LRRC36: variants seen among roughly 807,000 people sequenced by gnomAD.
LRRC36 encodes the protein leucine-rich repeat-containing protein 36.
LRRC36 carries 62 observed loss-of-function variants against 81.1 expected under a neutral mutation model. The observed-to-expected ratio is 0.76, with a 90% CI of 0.62 to 0.94. The LOEUF is 0.94. Ranked by LOEUF, LRRC36 falls within the 40% of genes least tolerant of loss-of-function variation. The pLI is 0.00. For synonymous variants in LRRC36, 334 were observed against 348.6 expected (o/e 0.96, Z 0.47); for missense variants, 761 against 881.7 (o/e 0.86, Z 1.73).
intron 5 of LRRC36, among the ~76,000 whole-genome samples, chr16:67,352,679 T>C (rs987887266): frequency 1.3e-5 from 2 of 150,426 alleles, no homozygotes; most frequent in Non-Finnish European, 3.0e-5. Context: ...ATTTATTTAT[T>C]TATTTATTTA....
intron 5 of LRRC36, among the ~76,000 whole-genome samples, chr16:67,359,091 A>G (rs1219610898): frequency 6.6e-6 from 1 of 152,236 alleles, no homozygotes; most frequent in Non-Finnish European, 1.5e-5. Context: ...AAATTGTGCA[A>G]CTGTTTTGGA....
intron 1 of LRRC36, among the ~76,000 whole-genome samples, chr16:67,330,198 C>T (rs772298483): frequency 2.0e-5 from 3 of 151,028 alleles, no homozygotes; most frequent in African/African-American, 2.4e-5. Context: ...TTTCACAAGA[C>T]GATTTCATAG....
intron 5 of LRRC36, among the ~76,000 whole-genome samples, chr16:67,363,238 G>T (rs2039240437): frequency 6.6e-6 from 1 of 152,180 alleles, no homozygotes; most frequent in South Asian, 2.1e-4. Flanking sequence ...TATGGAATTG[G>T]TATCACAGTT....
At chr16:67,327,044 A>T in intron 1 of LRRC36, 112 bp downstream of exon 1, 1 of 771,504 alleles carries the variant, frequency 1.3e-6, no homozygotes, top group East Asian at 6.1e-5. Context: ...ACCACAGAGA[A>T]GCGGTACCTG....
chr16:67,346,232 C>T (rs1407975898), intron 2 of LRRC36, 24 bp from the exon 3 acceptor site: 4 of 1,432,288 alleles, frequency 2.8e-6, no homozygotes, highest in Non-Finnish European at 3.8e-6. Context: ...TATGCCATTT[C>T]ATAATGTGGT....
rs749760471 is a variant in LRRC36, at chr16:67,375,273, G to A, written c.1521G>A (p.Leu507=). 1 of 1,611,186 alleles carries A rather than the reference G, an allele frequency of 6.2e-7. No homozygotes were observed. Among genetic ancestry groups the A allele is most frequent in the East Asian group, 2.2e-5 (1 of 44,834 alleles). The change falls in exon 10 of 14, where the codon TTG becomes TTA. Residue 507 remains leucine (L), a synonymous_variant. Transcript: ENST00000329956. ...SEPLSSDLGS[L]HGLAGNHSPP... is the part of the protein sequence containing the mutation. ...CTCTCTCTAGTGACCTGGGTAGTTT[G>A]CACGGTTTGGCTGGAAACCACAGTC...
rs2040137358 is a variant in LRRC36 at position 67,382,200 on chromosome 16, G to A, written c.1998G>A (p.Gln666=). 5 of 1,614,186 alleles carry A rather than the reference G, an allele frequency of 3.1e-6. No homozygotes were observed. Among genetic ancestry groups the A allele is most frequent in the Non-Finnish European group, 4.2e-6 (5 of 1,180,020 alleles). The stretch of plus-strand genomic sequence containing the variant: ...CTTGCCTGAACCAGGAGCTTGCCCA[G>A]CTGAAAAAGCTGGAGAAGACAGTTG... ...QVACLNQELA[Q]LKKLEKTVAI... The change falls in exon 13 of 14, where the codon CAG becomes CAA. Residue 666 remains glutamine (Q), a synonymous_variant. Coordinates refer to ENST00000329956, the MANE Select transcript of LRRC36 (RefSeq NM_018296.6).
chr16:67,363,093 T>C (rs2039233844), intron 5 of LRRC36, among the ~76,000 whole-genome samples: 2 of 152,138 alleles, frequency 1.3e-5, no homozygotes, highest in African/African-American at 4.8e-5. Context: ...TAGTTTTCTC[T>C]TTTTACAAAA....
intron 6 of LRRC36, 41 bp from the exon 7 acceptor site, chr16:67,365,263 G>C (rs779555781): frequency 5.1e-6 from 7 of 1,383,976 alleles, no homozygotes; most frequent in Non-Finnish European, 7.2e-6. Flanking sequence ...ATTTGAACGC[G>C]CATGGACTTC....
In LRRC36 at chr16:67,375,253, T is replaced by C; in HGVS notation, c.1501T>C (p.Ser501Pro). Reference sequence around the variant, plus strand: ...CTTTTTTTTTTCTCTTGAGCCTCTCTCTAGTGACCTGGGTAGTTTGCACGG... The same window carrying C: ...CTTTTTTTTTTCTCTTGAGCCTCTCCCTAGTGACCTGGGTAGTTTGCACGG... ...FQDATGSEPL[S>P]SDLGSLHGLA... Residue 501 changes from serine (S) to proline (P), a missense_variant, in exon 10 of 14, where the codon TCT becomes CCT. Ser to Pro is a moderately conservative substitution (Grantham distance 74). This residue lies in a region of LRRC36 where 359 missense variants were observed against 388.4 expected (regional missense o/e 0.92). Transcript: ENST00000329956. 6.2e-7 allele frequency: 1 copy of C among 1,612,138 alleles called. No individual in the cohort carries two copies. The highest frequency in any genetic ancestry group is 1.1e-5 in the South Asian group (1 of 91,048).
rs1279407778 is a variant in LRRC36, at chr16:67,347,561, G to C, written c.458G>C (p.Ser153Thr). The C allele has an allele frequency of 1.1e-5, 18 of 1,612,622 alleles. No homozygotes were observed. Among genetic ancestry groups the C allele is most frequent in the Non-Finnish European group, 1.4e-5 (17 of 1,178,864 alleles). ...CTGCATTTTAGTCAGTTGGGCAACA[G>C]TGAAAATTTTCTTTTAGAGGTGGAA... ...AKLHFSQLGN[S>T]ENFLLEVEKS... The change falls in exon 4 of 14, where the codon AGT becomes ACT. Residue 153 changes from serine (S) to threonine (T), a missense_variant. By Grantham distance (58) the Ser-to-Thr change is moderately conservative. Around this residue, in one of 3 missense-constraint regions of LRRC36, gnomAD observed 263 missense variants for 279.3 expected, o/e 0.94. Transcript: ENST00000329956.
At chr16:67,347,331 C>G (rs1212140654) in intron 3 of LRRC36, 164 bp from the exon 4 acceptor site, 1 of 1,371,512 alleles carries the variant, frequency 7.3e-7, no homozygotes, top group Admixed American at 2.8e-5. Flanking sequence ...GAGTTCCTGC[C>G]TGCTCCAGTG....
rs780434435 is a variant in LRRC36 at position 67,367,132 on chromosome 16, G to T, written c.870G>T (p.Lys290Asn). 1 of 1,614,126 alleles carries T rather than the reference G, an allele frequency of 6.2e-7. No homozygotes were observed. The highest frequency in any genetic ancestry group is 8.5e-7 in the Non-Finnish European group (1 of 1,180,016). The change falls in exon 8 of 14, where the codon AAG becomes AAT. Residue 290 changes from lysine to asparagine, a missense_variant. Around this residue, in one of 3 missense-constraint regions of LRRC36, gnomAD observed 139 missense variants for 214.0 expected, o/e 0.65. Coordinates refer to ENST00000329956, the MANE Select transcript of LRRC36 (RefSeq NM_018296.6). ...DNKSSGSSPEKELIPKPDTFH... is the reference protein window; with the variant it reads ...DNKSSGSSPENELIPKPDTFH... The stretch of plus-strand genomic sequence containing the variant: ...AGTCTTCAGGTTCTTCTCCAGAAAA[G>T]GAATTGATACCAAAACCTGATACTT...
In LRRC36 at chr16:67,350,185, A is replaced by G; in HGVS notation, c.489-17A>G. On this transcript the variant is annotated splice_polypyrimidine_tract_variant and intron_variant, in intron 4 of 13. Transcript: ENST00000329956. Reference sequence around the variant, plus strand: ...TTTTTTTTTTTTGAGTTGTAAATAAATTATTCTATGTGGCAGCTCTAGGGA... The same window carrying G: ...TTTTTTTTTTTTGAGTTGTAAATAAGTTATTCTATGTGGCAGCTCTAGGGA... 1 of 1,551,600 alleles carries G rather than the reference A, an allele frequency of 6.4e-7. No individual in the cohort carries two copies. The highest frequency in any genetic ancestry group is 8.7e-7 in the Non-Finnish European group (1 of 1,146,060).
chr16:67,337,370 C>CTTTTTTTTTTTTTTTTTTTT (rs200896654), intron 1 of LRRC36, among the ~76,000 whole-genome samples: 1 of 139,452 alleles, frequency 7.2e-6, no homozygotes, highest in Non-Finnish European at 1.6e-5. Flanking sequence ...TCTTTTCTTT[C>CTTTTTTTTTTTTTTTTTTTT]TTTTTTTTTT....
intron 8 of LRRC36, among the ~76,000 whole-genome samples, 173 bp downstream of exon 8, chr16:67,367,630 A>G (rs1419718455): frequency 1.3e-5 from 2 of 152,224 alleles, no homozygotes. Context: ...TGAGTTTAAC[A>G]TGATATATAT....
chr16:67,366,265 C>T (rs2039380945), intron 7 of LRRC36, among the ~76,000 whole-genome samples: 1 of 152,066 alleles, frequency 6.6e-6, no homozygotes. Context: ...TCAAGCAATC[C>T]TCCCACCTCA....
chr16:67,355,577 T>C (rs2038864985), intron 5 of LRRC36, among the ~76,000 whole-genome samples: 5 of 151,024 alleles, frequency 3.3e-5, no homozygotes, highest in African/African-American at 4.9e-5. Flanking sequence ...GGTTTCACTG[T>C]TTTAGCCGGG....
In LRRC36 at chr16:67,346,724, A is replaced by T. The variant is rs372337996; in HGVS notation, c.391+276A>T. On this transcript the variant is annotated intron_variant, in intron 3 of 13. Transcript: ENST00000329956. Reference sequence around the variant, plus strand: ...TCCTCAACACAAAATTTCCAGGTTGAGAATTATTTTTCCAGGTGCCCCAAC... The same window carrying T: ...TCCTCAACACAAAATTTCCAGGTTGTGAATTATTTTTCCAGGTGCCCCAAC... Among the ~76,000 whole-genome samples the T allele has an allele frequency of 9.3e-4, 142 of 152,304 alleles. 1 individual carries two copies. The highest frequency in any genetic ancestry group is 3.3e-3 in the South Asian group (16 of 4,822).
Sources: allele counts gnomAD v4.1 joint callset (sites outside exome capture counted in the v4.1 genomes callset), GRCh38; gene constraint gnomAD v4.1.1; regional missense constraint gnomAD v4.1.1; transcripts MANE v1.5; gene names NCBI Gene and HGNC (gene_info 2026-07-23, HGNC 2026-07-21).